The following KCNG2 variants were observed in gnomAD, a reference collection of about 807,000 sequenced individuals.
The protein encoded by KCNG2 is potassium voltage-gated channel modifier subfamily G member 2.
A neutral mutation model predicts 12.3 loss-of-function variants in KCNG2; 7 were observed. That is an observed-to-expected ratio of 0.57 (90% CI 0.32 to 1.07). The LOEUF (loss-of-function observed/expected upper bound fraction) is 1.07, where lower values mean the gene tolerates loss of function less well. Ranked by LOEUF, KCNG2 falls within the 50% of genes least tolerant of loss-of-function variation. The pLI, the probability that KCNG2 is intolerant of heterozygous loss-of-function variation, is 0.04. For synonymous variants in KCNG2, 414 were observed against 351.4 expected (o/e 1.18, Z -1.99); for missense variants, 703 against 726.0 (o/e 0.97, Z 0.36).
At chr18:79,888,263 G>A (rs1420164717) in intron 3 of KCNG2, among the ~76,000 whole-genome samples, 3 of 152,252 alleles carry the variant, frequency 2.0e-5, no homozygotes, top group South Asian at 2.1e-4. Flanking sequence ...ACCAGTCCAC[G>A]GGGCTTCCAC....
intron 3 of KCNG2, among the ~76,000 whole-genome samples, chr18:79,867,729 T>C (rs1295795727): frequency 6.6e-6 from 1 of 152,052 alleles, no homozygotes; most frequent in African/African-American, 2.4e-5. Context: ...CTCCCTGCGT[T>C]TTCCGATGGC....
intron 1 of KCNG2, among the ~76,000 whole-genome samples, chr18:79,828,269 T>TA (rs1334539165): frequency 6.6e-6 from 1 of 152,250 alleles, no homozygotes; most frequent in African/African-American, 2.4e-5. Flanking sequence ...TAGGAATACT[T>TA]AAAGACATGA....
chr18:79,817,606 CTGTCACACACGCGGGTTGTCACATGCA>C (rs2087539902), intron 1 of KCNG2, among the ~76,000 whole-genome samples: 3 of 152,366 alleles, frequency 2.0e-5, no homozygotes, highest in African/African-American at 7.2e-5. Flanking sequence ...TCACACCTGG[CTGTCACACACGCGGGTTGTCACATGCA>C]TGTCACACAC....
rs904051861 is a variant in KCNG2 at position 79,822,478 on chromosome 18, C to A, written c.-115+24464C>A. On this transcript the variant is annotated intron_variant, in intron 1 of 3. Transcript: ENST00000316249. The surrounding 1 kb of genome is among the most constrained non-coding windows in gnomAD (Gnocchi z 4.4). ...TTTTTGAGACAGGGTCTCACTCTGT[C>A]CCCCAGGCTGGAGTGTAGTGTTGCA... Among the ~76,000 whole-genome samples, 1 of 152,136 alleles carries A rather than the reference C, an allele frequency of 6.6e-6. No individual in the cohort carries two copies. The highest frequency in any genetic ancestry group is 1.5e-5 in the Non-Finnish European group (1 of 68,024).
chr18:79,881,858 G>A (rs1211247181), intron 3 of KCNG2, among the ~76,000 whole-genome samples: 1 of 152,264 alleles, frequency 6.6e-6, no homozygotes, highest in Non-Finnish European at 1.5e-5. Context: ...ACAGTGTGGG[G>A]AAAGGACAGG....
intron 3 of KCNG2, among the ~76,000 whole-genome samples, chr18:79,877,290 C>G (rs901288277): frequency 6.6e-6 from 1 of 152,192 alleles, no homozygotes; most frequent in Non-Finnish European, 1.5e-5. Context: ...CGCTGCTGAG[C>G]AAATGACTGC....
At position 79,834,290 on chromosome 18, in the gene KCNG2, T is replaced by C. The variant is rs532399568; in HGVS notation, c.-114-22089T>C. On this transcript the variant is annotated intron_variant, in intron 1 of 3. Transcript: ENST00000316249. ...ACGTGGCAAATGGGGGTTTTCTTTC[T>C]TTTGTTATTGACTCATGTTTTACAA... Among the ~76,000 whole-genome samples the C allele has an allele frequency of 1.9e-4, 29 of 152,342 alleles. No individual in the cohort carries two copies. The South Asian group carries it at 6.0e-3, about 32-fold the overall frequency.
At chr18:79,834,414 T>C (rs1191552423) in intron 1 of KCNG2, among the ~76,000 whole-genome samples, 1 of 152,146 alleles carries the variant, frequency 6.6e-6, no homozygotes, top group African/African-American at 2.4e-5. Flanking sequence ...TCATTTCCGG[T>C]ACAAGGCCTC....
Position 79,882,781 on chromosome 18 carries a change from GCGCGTGGAGCGCGGAGGCCGGGTACA to G in KCNG2, c.625-16257_625-16232del, listed in dbSNP as rs1568269733. 3.7e-3 allele frequency among the ~76,000 whole-genome samples: 542 copies of G among 147,506 alleles called. 10 individuals carry two copies. The highest frequency in any genetic ancestry group is 7.1e-3 in the Middle Eastern group (2 of 280). ...TGGAGCGCGGAGGCCGGGTACACCT[GCGCGTGGAGCGCGGAGGCCGGGTACA>G]CCTGCGCGTGGAGCGCGGAGGCCGG... On this transcript the variant is annotated intron_variant, in intron 3 of 3. Transcript: ENST00000316249.
chr18:79,815,427 G>C (rs913990604), intron 1 of KCNG2, among the ~76,000 whole-genome samples: 2 of 140,604 alleles, frequency 1.4e-5, no homozygotes, highest in Non-Finnish European at 3.0e-5. Context: ...GGATGACAGA[G>C]TGAAACCCTG....
chr18:79,861,289 T>A (rs1979211631), intron 2 of KCNG2, among the ~76,000 whole-genome samples: 1 of 147,728 alleles, frequency 6.8e-6, no homozygotes, highest in South Asian at 2.2e-4. Context: ...TTTTTTTTTT[T>A]TTTTTTGAGA....
intron 2 of KCNG2, among the ~76,000 whole-genome samples, chr18:79,862,860 A>C (rs1979271624): frequency 6.6e-6 from 1 of 152,218 alleles, no homozygotes; most frequent in Admixed American, 6.5e-5. Context: ...GAGTCAAAGT[A>C]ATTACGATTC....
intron 1 of KCNG2, among the ~76,000 whole-genome samples, chr18:79,851,545 C>G (rs938761952): frequency 6.6e-6 from 1 of 152,164 alleles, no homozygotes. Flanking sequence ...CAGATACTAC[C>G]CTTGATCTCA....
intron 1 of KCNG2, among the ~76,000 whole-genome samples, chr18:79,823,757 T>A (rs953533972): frequency 5.3e-5 from 8 of 152,172 alleles, no homozygotes; most frequent in Non-Finnish European, 1.5e-5. Context: ...AACCTTAGTA[T>A]CGACATGTCC....
intron 1 of KCNG2, among the ~76,000 whole-genome samples, chr18:79,828,467 C>CTGTGTGTGCATGAATGTGTGCATA (rs1978287892): frequency 6.7e-6 from 1 of 149,772 alleles, no homozygotes; most frequent in Non-Finnish European, 1.5e-5. Flanking sequence ...AAATGTGTGT[C>CTGTGTGTGCATGAATGTGTGCATA]TGTGTGTGCA....
chr18:79,804,311 C>T (rs2087432725), intron 1 of KCNG2, among the ~76,000 whole-genome samples: 1 of 152,232 alleles, frequency 6.6e-6, no homozygotes, highest in African/African-American at 2.4e-5. Flanking sequence ...CCCGTCAGCA[C>T]CCACTGATCA....
At chr18:79,869,985 C>G (rs1000532375) in intron 3 of KCNG2, among the ~76,000 whole-genome samples, 2 of 152,104 alleles carry the variant, frequency 1.3e-5, no homozygotes, top group African/African-American at 4.8e-5. Context: ...AGTTGCCACC[C>G]GTTCCCAGCT....
At chr18:79,801,971 G>A (rs1323320990) in intron 1 of KCNG2, among the ~76,000 whole-genome samples, 1 of 152,184 alleles carries the variant, frequency 6.6e-6, no homozygotes, top group East Asian at 1.9e-4. Flanking sequence ...GGGGTCCCAG[G>A]TGGTGGGTCA....
chr18:79,809,367 T>C (rs867831666), intron 1 of KCNG2, among the ~76,000 whole-genome samples: 1,144 of 75,446 alleles, frequency 0.015, no homozygotes, highest in Non-Finnish European at 0.017. Context: ...CTCCACGTTA[T>C]GGGCCCAGAG....
Sources: allele counts gnomAD v4.1 joint callset (sites outside exome capture counted in the v4.1 genomes callset), GRCh38; gene constraint gnomAD v4.1.1; non-coding constraint Gnocchi (gnomAD v3.1); transcripts MANE v1.5; gene names NCBI Gene and HGNC (gene_info 2026-07-23, HGNC 2026-07-21).